SPINK14: variants seen among roughly 807,000 people sequenced by gnomAD.
The protein encoded by SPINK14 is serine peptidase inhibitor Kazal type 14 (putative), also known as serine protease inhibitor Kazal-type 14.
SPINK14 carries 6 observed loss-of-function variants against 14.2 expected under a neutral mutation model. The observed-to-expected ratio is 0.42, with a 90% confidence interval of 0.23 to 0.83. SPINK14 has a LOEUF of 0.83. Among genes scored for constraint, SPINK14 ranks in the 40% least tolerant of loss-of-function variants. The pLI, the probability that SPINK14 is intolerant of heterozygous loss-of-function variation, is 0.28. For missense variants in SPINK14, 86 were observed against 108.3 expected (o/e 0.79, Z 0.91); for synonymous variants, 34 against 36.8 (o/e 0.92, Z 0.27).
rs1233312140 is a variant in SPINK14 at position 148,174,580 on chromosome 5, C to T, written c.248+210C>T. ...ACTCATTGTACCGAATGACATTCCT[C>T]AGGTCCGTTCTGGTATCTGAGCCCT... On this transcript the variant is annotated intron_variant, in intron 4 of 4. Transcript: ENST00000356972. Among the ~76,000 whole-genome samples, 2 of 91,298 alleles carry T rather than the reference C, an allele frequency of 2.2e-5. 1 individual carries two copies. The highest frequency in any genetic ancestry group is 9.4e-5 in the African/African-American group (2 of 21,344). The allele number at this position is 91,298 out of a possible 152,430, so 59.9% of individuals were successfully genotyped here.
chr5:148,175,247 T>C, intron 4 of SPINK14, 106 bp from the exon 5 acceptor site: 1 of 752,212 alleles, frequency 1.3e-6, no homozygotes, highest in Non-Finnish European at 2.2e-6. Context: ...TGGATCTTAG[T>C]TTTTCCAAAT....
At chr5:148,169,889 C>A in intron 2 of SPINK14, 90 bp downstream of exon 2, 1 of 1,000,188 alleles carries the variant, frequency 1.0e-6, no homozygotes, top group Non-Finnish European at 1.5e-6. Context: ...TGAAATTGTT[C>A]TTTAACTGGG....
chr5:148,171,910 T>C (rs1755110184), intron 3 of SPINK14, among the ~76,000 whole-genome samples: 1 of 152,146 alleles, frequency 6.6e-6, no homozygotes, highest in Non-Finnish European at 1.5e-5. Flanking sequence ...GTCTGCCTCA[T>C]GCCCATAAAT....
At position 148,172,779 on chromosome 5, in the gene SPINK14, T is replaced by C. The variant is rs77271994; in HGVS notation, c.112-1455T>C. ...AATGAGTTTAGGTTGAGAAAAAATA[T>C]ATTTGGTGGGGTGGTTATGACACGT... On this transcript the variant is annotated intron_variant, in intron 3 of 4. Transcript: ENST00000356972. Among the ~76,000 whole-genome samples, 320 of 122,744 alleles carry C rather than the reference T, an allele frequency of 2.6e-3. 7 individuals carry two copies. The East Asian group carries it at 0.058, about 22-fold the overall frequency. 80.5% of individuals were successfully genotyped at this position (122,744 alleles called of 152,430 possible).
At chr5:148,170,171 TATACACAC>T (rs1755084452) in intron 2 of SPINK14, among the ~76,000 whole-genome samples, 5 of 138,236 alleles carry the variant, frequency 3.6e-5, no homozygotes, top group Non-Finnish European at 6.1e-5. Context: ...TATATATATA[TATACACAC>T]ACACACACAC....
At position 148,169,768 on chromosome 5, in the gene SPINK14, C is replaced by T. The variant is rs1157586033; in HGVS notation, c.36C>T (p.Ser12=). 1.9e-6 allele frequency: 3 copies of T among 1,610,082 alleles called. No individual in the cohort carries two copies. Among genetic ancestry groups the T allele is most frequent in the Non-Finnish European group, 2.5e-6 (3 of 1,178,046 alleles). Reference sequence around the variant, plus strand: ...CTTTCCCAGTATTCTCACTTTTGTCCTTTATCTTGATACATTTGGTGTTAT... The same window carrying T: ...CTTTCCCAGTATTCTCACTTTTGTCTTTTATCTTGATACATTTGGTGTTAT... ...AKSFPVFSLL[S]FILIHLVLSS... is the part of the protein sequence containing the mutation. Residue 12 remains serine, a synonymous_variant, in exon 2 of 5, where the codon TCC becomes TCT. Coordinates refer to ENST00000356972, the MANE Select transcript of SPINK14 (RefSeq NM_001001325.2).
intron 3 of SPINK14, among the ~76,000 whole-genome samples, chr5:148,172,778 A>G (rs1394586248): frequency 8.0e-6 from 1 of 124,380 alleles, no homozygotes; most frequent in East Asian, 2.1e-4. Context: ...GAGAAAAAAT[A>G]TATTTGGTGG....
chr5:148,175,383 T>C lies in SPINK14; in HGVS notation c.279T>C (p.His93=). ...CTCATGGAAGAATCAGGTTTTACCATGATGGAAAATGTTAGCTGAGTGGAC... is the reference window on the plus strand; with the variant it reads ...CTCATGGAAGAATCAGGTTTTACCACGATGGAAAATGTTAGCTGAGTGGAC... ...LKSHGRIRFY[H]DGKC Residue 93 remains histidine (H), a synonymous_variant, in exon 5 of 5, where the codon CAT becomes CAC. Transcript: ENST00000356972. The C allele has an allele frequency of 6.2e-7, 1 of 1,606,438 alleles. No individual in the cohort carries two copies.
chr5:148,169,563 AGG>A, intron 1 of SPINK14, among the ~76,000 whole-genome samples, 96 bp from the exon 2 acceptor site: 1 of 152,190 alleles, frequency 6.6e-6, no homozygotes, highest in Non-Finnish European at 1.5e-5. Context: ...AGAATGGAAT[AGG>A]CTTTCCAAAT....
intron 4 of SPINK14, among the ~76,000 whole-genome samples, chr5:148,174,944 C>G (rs1342787427): frequency 6.6e-6 from 1 of 152,100 alleles, no homozygotes; most frequent in Non-Finnish European, 1.5e-5. Context: ...GATTGGAGCT[C>G]TTAGCCCAAT....
chr5:148,172,056 C>A (rs1157325539), intron 3 of SPINK14, among the ~76,000 whole-genome samples: 1 of 151,712 alleles, frequency 6.6e-6, no homozygotes, highest in Admixed American at 6.6e-5. Flanking sequence ...TTGCAGATAA[C>A]CAAAAAAGGA....
At chr5:148,172,039 A>G (rs1412490004) in intron 3 of SPINK14, among the ~76,000 whole-genome samples, 3 of 152,174 alleles carry the variant, frequency 2.0e-5, no homozygotes, top group Non-Finnish European at 4.4e-5. Context: ...CCTTTTCCTC[A>G]TGAACCTTGC....
chr5:148,170,953 C>T lies in SPINK14; in HGVS notation c.91C>T (p.Pro31Ser). 2 of 1,612,358 alleles carry T rather than the reference C, an allele frequency of 1.2e-6. No homozygotes were observed. Among genetic ancestry groups the T allele is most frequent in the Non-Finnish European group, 1.7e-6 (2 of 1,178,772 alleles). ...AGTTTCAGGCCCTAGACACTGGTGG[C>T]CACCACGTGGAATTATTAAGGTAAT... is the stretch of plus-strand genomic sequence containing the variant. Reference protein sequence around the residue: ...SSVSGPRHWWPPRGIIKVKCP... With the variant: ...SSVSGPRHWWSPRGIIKVKCP... The change falls in exon 3 of 5, where the codon CCA becomes TCA. Residue 31 changes from proline (P) to serine (S), a missense_variant. Transcript: ENST00000356972.
chr5:148,170,921 A>G lies in SPINK14; in HGVS notation c.68-9A>G, dbSNP rs1755096005. ...TTAAATTCTGTAACTATTTTCATGT[A>G]TTCTCTAGTTTCAGGCCCTAGACAC... is the stretch of plus-strand genomic sequence containing the variant. On this transcript the variant is annotated splice_polypyrimidine_tract_variant and intron_variant, in intron 2 of 4. Transcript: ENST00000356972. 3 of 1,609,590 alleles carry G rather than the reference A, an allele frequency of 1.9e-6. No homozygotes were observed. Among genetic ancestry groups the G allele is most frequent in the African/African-American group, 1.3e-5 (1 of 74,784 alleles).
chr5:148,172,059 A>G (rs1215857869), intron 3 of SPINK14, among the ~76,000 whole-genome samples: 1 of 152,178 alleles, frequency 6.6e-6, no homozygotes, highest in South Asian at 2.1e-4. Context: ...CAGATAACCA[A>G]AAAAGGAAGA....
chr5:148,171,562 T>C lies in SPINK14; in HGVS notation c.111+589T>C, dbSNP rs192002446. ...GTGAGGTCAATCGATATTTGATAAG[T>C]GAGGGAAAAGATGAATGAGGGATTA... On this transcript the variant is annotated intron_variant, in intron 3 of 4. Transcript: ENST00000356972. Among the ~76,000 whole-genome samples the C allele has an allele frequency of 3.5e-3, 528 of 152,268 alleles. 5 individuals carry two copies. Among genetic ancestry groups the C allele is most frequent in the Admixed American group, 6.5e-3 (99 of 15,272 alleles).
At chr5:148,174,148 C>A (rs1755140382) in intron 3 of SPINK14, 86 bp from the exon 4 acceptor site, 1 of 805,062 alleles carries the variant, frequency 1.2e-6, no homozygotes, top group Admixed American at 2.1e-5. Flanking sequence ...CTAGACTATG[C>A]TTAGATTTTT....
chr5:148,169,769 T>C lies in SPINK14; in HGVS notation c.37T>C (p.Phe13Leu). 6.2e-7 allele frequency: 1 copy of C among 1,610,770 alleles called. No homozygotes were observed. Among genetic ancestry groups the C allele is most frequent in the Non-Finnish European group, 8.5e-7 (1 of 1,178,302 alleles). ...TTTCCCAGTATTCTCACTTTTGTCCTTTATCTTGATACATTTGGTGTTATC... is the reference window on the plus strand; with the variant it reads ...TTTCCCAGTATTCTCACTTTTGTCCCTTATCTTGATACATTTGGTGTTATC... ...KSFPVFSLLS[F>L]ILIHLVLSSV... Residue 13 changes from phenylalanine to leucine, a missense_variant, in exon 2 of 5, where the codon TTT becomes CTT. Coordinates refer to ENST00000356972, the MANE Select transcript of SPINK14 (RefSeq NM_001001325.2).
At chr5:148,173,485 G>A (rs1300425470) in intron 3 of SPINK14, among the ~76,000 whole-genome samples, 2 of 31,132 alleles carry the variant, frequency 6.4e-5, no homozygotes, top group Admixed American at 4.6e-4. Context: ...AATGGCTTGA[G>A]GATTTAGAGA....
Sources: gnomAD v4.1 joint callset for allele counts (sites outside exome capture counted in the v4.1 genomes callset) on GRCh38, gnomAD v4.1.1 for gene constraint, MANE v1.5 for transcripts, NCBI Gene and HGNC (gene_info 2026-07-23, HGNC 2026-07-21) for gene names.